The following THADA variants were observed in gnomAD, a reference collection of about 807,000 sequenced individuals.
THADA encodes THADA armadillo repeat containing, also known as tRNA (32-2'-O)-methyltransferase regulator THADA.
THADA carries 213 observed loss-of-function variants against 219.8 expected under a neutral mutation model. The ratio of observed to expected loss-of-function variants is 0.97; its 90% CI spans 0.87 to 1.09. The LOEUF is 1.09. Among genes scored for constraint, THADA ranks in the 50% least tolerant of loss-of-function variants. The pLI is 0.00. For missense variants in THADA, 2,956 were observed against 2,311.3 expected (o/e 1.28, Z -5.72); for synonymous variants, 1,018 against 828.9 (o/e 1.23, Z -3.92).
chr2:43,428,547 G>A (rs1224708724), intron 27 of THADA, among the ~76,000 whole-genome samples: 1 of 152,200 alleles, frequency 6.6e-6, no homozygotes, highest in Non-Finnish European at 1.5e-5. Context: ...GGAGGTTGCA[G>A]TGAGCCAAGA....
intron 25 of THADA, among the ~76,000 whole-genome samples, chr2:43,490,404 C>A (rs1687479887): frequency 6.6e-6 from 1 of 152,122 alleles, no homozygotes; most frequent in Non-Finnish European, 1.5e-5. Context: ...ATTTCCTTGT[C>A]TTGTTCCTGA....
intron 26 of THADA, among the ~76,000 whole-genome samples, chr2:43,448,304 C>T (rs1268649933): frequency 2.0e-5 from 3 of 152,224 alleles, no homozygotes; most frequent in African/African-American, 7.2e-5. Flanking sequence ...TAGCAGCTAA[C>T]CAATCCCTAG....
At chr2:43,557,805 T>C (rs972453016) in intron 16 of THADA, among the ~76,000 whole-genome samples, 3 of 152,246 alleles carry the variant, frequency 2.0e-5, no homozygotes, top group Admixed American at 6.5e-5. Flanking sequence ...ATACACTCAA[T>C]TTTGAAGTTG....
intron 31 of THADA, among the ~76,000 whole-genome samples, chr2:43,315,978 A>C (rs1379604229): frequency 6.6e-6 from 1 of 152,124 alleles, no homozygotes; most frequent in East Asian, 1.9e-4. Flanking sequence ...TCCATGACTG[A>C]GTTTCTGCCT....
intron 26 of THADA, among the ~76,000 whole-genome samples, 175 bp downstream of exon 26, chr2:43,485,059 A>T (rs966222412): frequency 5.9e-5 from 9 of 152,044 alleles, no homozygotes; most frequent in Admixed American, 5.9e-4. Context: ...TAAACAGTTG[A>T]TATTTTTGCC....
At chr2:43,407,329 T>C (rs13402827) in intron 28 of THADA, among the ~76,000 whole-genome samples, 20,059 of 152,214 alleles carry the variant, frequency 0.13, 1,405 homozygotes, top group East Asian at 0.2. Flanking sequence ...CTACTATATA[T>C]AGATAGAAGG....
intron 29 of THADA, among the ~76,000 whole-genome samples, chr2:43,351,809 C>A (rs984980201): frequency 1.1e-4 from 16 of 152,288 alleles, no homozygotes; most frequent in Admixed American, 9.8e-4. Flanking sequence ...ATAGTATTGA[C>A]AAGAGAGAAA....
intron 21 of THADA, among the ~76,000 whole-genome samples, chr2:43,530,976 G>C (rs570865303): frequency 4.6e-5 from 7 of 152,096 alleles, no homozygotes; most frequent in Non-Finnish European, 7.4e-5. Flanking sequence ...CTAATACCTA[G>C]GCTTATTATC....
In THADA at chr2:43,428,116, CA is replaced by C; in HGVS notation, c.4041del (p.Phe1347LeufsTer6). On this transcript the variant is annotated frameshift_variant, in exon 28 of 38. Coordinates refer to ENST00000405975, the MANE Select transcript of THADA (RefSeq NM_022065.5). LOFTEE classifies it high-confidence loss of function. ...TGACACTACCTCATAATGAAGGGAA[CA>C]AAAGGTCCCATGCTGAGAGCAGAAG... ...GTSSALSMGP[F>X]VPFIMRCGHS... is the part of the protein sequence containing the mutation. 1.2e-6 allele frequency: 2 copies of C among 1,609,498 alleles called. No individual in the cohort carries two copies. Among genetic ancestry groups the C allele is most frequent in the Non-Finnish European group, 8.5e-7 (1 of 1,177,374 alleles).
chr2:43,546,900 T>G (rs1342140629), intron 20 of THADA, among the ~76,000 whole-genome samples: 2 of 152,180 alleles, frequency 1.3e-5, no homozygotes, highest in Non-Finnish European at 2.9e-5. Context: ...ATGTGTGAAT[T>G]TGATCCTGTC....
chr2:43,455,598 A>T (rs1426596272), intron 26 of THADA, among the ~76,000 whole-genome samples: 1 of 152,110 alleles, frequency 6.6e-6, no homozygotes, highest in Non-Finnish European at 1.5e-5. Context: ...GAGCATATTA[A>T]ATGCTATAAT....
At chr2:43,509,162 T>C (rs545159648) in intron 22 of THADA, among the ~76,000 whole-genome samples, 1 of 152,326 alleles carries the variant, frequency 6.6e-6, no homozygotes, top group South Asian at 2.1e-4. Flanking sequence ...GTTCTATGTT[T>C]ATAGGGATTA....
At chr2:43,480,407 C>G (rs1204351023) in intron 26 of THADA, among the ~76,000 whole-genome samples, 1 of 152,166 alleles carries the variant, frequency 6.6e-6, no homozygotes, top group Non-Finnish European at 1.5e-5. Context: ...TCCCCTAGGG[C>G]AGAGAGTATT....
chr2:43,581,107 C>G (rs1244806453), intron 8 of THADA, among the ~76,000 whole-genome samples: 1 of 152,134 alleles, frequency 6.6e-6, no homozygotes, highest in Admixed American at 6.5e-5. Context: ...TTAGGTGTCA[C>G]TTTTTCGTTA....
At position 43,575,029 on chromosome 2, in the gene THADA, T is replaced by A; in HGVS notation, c.1038-2A>T. 1 of 1,589,214 alleles carries A rather than the reference T, an allele frequency of 6.3e-7. No homozygotes were observed. Among genetic ancestry groups the A allele is most frequent in the Non-Finnish European group, 8.6e-7 (1 of 1,169,450 alleles). On this transcript the variant is annotated splice_acceptor_variant, in intron 10 of 37. Coordinates refer to ENST00000405975, the MANE Select transcript of THADA (RefSeq NM_022065.5). LOFTEE classifies it high-confidence loss of function. ...ATTTCCAGCGTTGGCTCTTTAATCC[T>A]GAAGAAAAATGAGCCATGAGCCATT...
intron 31 of THADA, among the ~76,000 whole-genome samples, chr2:43,308,004 G>C (rs1380579592): frequency 6.6e-6 from 1 of 151,976 alleles, no homozygotes; most frequent in Non-Finnish European, 1.5e-5. Flanking sequence ...GGACACAAAT[G>C]AAACTTCTAG....
Position 43,533,919 on chromosome 2 carries a change from C to CA in THADA, c.3265-5932dup, listed in dbSNP as rs576120659. 4.3e-4 allele frequency among the ~76,000 whole-genome samples: 65 copies of CA among 152,072 alleles called. No individual in the cohort carries two copies. The South Asian group carries it at 0.014, about 32-fold the overall frequency. ...CTTAAAGTAAAATAAAAATTTAAAA[C>CA]AAAAAACTCTTGTTTGCAGGTGACA... On this transcript the variant is annotated intron_variant, in intron 21 of 37. Coordinates refer to ENST00000405975, the MANE Select transcript of THADA (RefSeq NM_022065.5).
At chr2:43,388,183 T>C (rs1672921758) in intron 29 of THADA, among the ~76,000 whole-genome samples, 1 of 152,362 alleles carries the variant, frequency 6.6e-6, no homozygotes, top group Non-Finnish European at 1.5e-5. Context: ...CAAATAATAC[T>C]ATTTTTATTG....
At chr2:43,324,860 A>C (rs1679138147) in intron 30 of THADA, among the ~76,000 whole-genome samples, 1 of 152,164 alleles carries the variant, frequency 6.6e-6, no homozygotes, top group Non-Finnish European at 1.5e-5. Context: ...CATGGAGCAC[A>C]GCATAATGAA....
Sources: gnomAD v4.1 joint callset for allele counts (sites outside exome capture counted in the v4.1 genomes callset) on GRCh38, gnomAD v4.1.1 for gene constraint, MANE v1.5 for transcripts, NCBI Gene and HGNC (gene_info 2026-07-23, HGNC 2026-07-21) for gene names.